The following AMN1 variants were observed in gnomAD, a reference collection of about 807,000 sequenced individuals.
AMN1 encodes the protein protein AMN1 homolog.
Under a neutral mutation model 33.0 loss-of-function variants are expected in AMN1, and 20 were observed. The observed-to-expected ratio is 0.61, with a 90% CI of 0.43 to 0.88. The LOEUF (loss-of-function observed/expected upper bound fraction) is 0.88. Among genes scored for constraint, AMN1 ranks in the 40% least tolerant of loss-of-function variants. The probability of loss-of-function intolerance (pLI) is 0.00; values close to 1 mark genes in which losing one functional copy is unlikely to be tolerated. For synonymous variants in AMN1, 114 were observed against 111.9 expected (o/e 1.02, Z -0.12); for missense variants, 246 against 307.4 (o/e 0.80, Z 1.49).
intron 3 of AMN1, among the ~76,000 whole-genome samples, chr12:31,698,959 C>T (rs1938858439): frequency 6.6e-6 from 1 of 151,898 alleles, no homozygotes; most frequent in South Asian, 2.1e-4. Flanking sequence ...GCATGTGACC[C>T]CTAGATAGCC....
intron 6 of AMN1, chr12:31,673,073 T>A (rs573443143): frequency 5.9e-5 from 9 of 152,364 alleles, no homozygotes; most frequent in African/African-American, 2.2e-4. Context: ...AGTTTTAGGA[T>A]GTCTTTTAAA....
At chr12:31,673,317 A>G (rs528370725) in intron 6 of AMN1, among the ~76,000 whole-genome samples, 1 of 152,284 alleles carries the variant, frequency 6.6e-6, no homozygotes, top group East Asian at 1.9e-4. Context: ...TAAGTTTAAC[A>G]AAATTAAGCA....
intron 1 of AMN1, among the ~76,000 whole-genome samples, chr12:31,722,175 A>ACACACACACACACC (rs1939903009): frequency 1.4e-5 from 2 of 142,062 alleles, no homozygotes; most frequent in African/African-American, 5.2e-5. Context: ...ACACACACAC[A>ACACACACACACACC]CCTGGGGCTA....
At chr12:31,704,847 GATTGCC>G (rs937583394) in intron 2 of AMN1, among the ~76,000 whole-genome samples, 1 of 152,118 alleles carries the variant, frequency 6.6e-6, no homozygotes, top group Non-Finnish European at 1.5e-5. Flanking sequence ...AAATGGTAAG[GATTGCC>G]ATCAAACAAA....
At position 31,672,377 on chromosome 12, in the gene AMN1, T is replaced by G; in HGVS notation, c.704A>C (p.Asp235Ala). The change falls in exon 7 of 7, where the codon GAT becomes GCT. Residue 235 changes from aspartate to alanine, a missense_variant and splice_region_variant. Transcript: ENST00000281471. ...TTGCTCCAACACTTCTCGGGAATGA[T>G]CTATAAAAGAAAACAATGACAATAT... ...LLFHGCPLIT[D>A]HSREVLEQLV... The G allele has an allele frequency of 1.9e-6, 3 of 1,563,470 alleles. No individual in the cohort carries two copies. The highest frequency in any genetic ancestry group is 1.7e-6 in the Non-Finnish European group (2 of 1,150,758).
chr12:31,724,698 C>G (rs78483063), intron 1 of AMN1, among the ~76,000 whole-genome samples: 6,202 of 152,230 alleles, frequency 0.041, 278 homozygotes, highest in East Asian at 0.21. Flanking sequence ...CCACCGCCAC[C>G]TTTTTCTCTC....
At chr12:31,675,580 T>C (rs984789644) in intron 6 of AMN1, among the ~76,000 whole-genome samples, 1 of 151,094 alleles carries the variant, frequency 6.6e-6, no homozygotes. Context: ...ACTGCAACCC[T>C]GGCTTCCAGG....
chr12:31,710,946 G>C (rs1939443130), intron 1 of AMN1, among the ~76,000 whole-genome samples: 1 of 152,104 alleles, frequency 6.6e-6, no homozygotes, highest in Non-Finnish European at 1.5e-5. Context: ...GTCTCACTCT[G>C]TCACCCAGGC....
At chr12:31,675,602 C>T (rs1951370953) in intron 6 of AMN1, among the ~76,000 whole-genome samples, 4 of 150,982 alleles carry the variant, frequency 2.6e-5, no homozygotes, top group Admixed American at 2.6e-4. Context: ...TCAAGTGATT[C>T]TCCTGCCTCA....
At chr12:31,708,365 G>C (rs2139706827) in intron 2 of AMN1, among the ~76,000 whole-genome samples, 1 of 152,258 alleles carries the variant, frequency 6.6e-6, no homozygotes, top group South Asian at 2.1e-4. Context: ...GATACACCCT[G>C]GTCTCCTGCA....
Position 31,697,529 on chromosome 12 carries a change from A to T in AMN1, c.535-112T>A. On this transcript the variant is annotated intron_variant, in intron 4 of 6. Transcript: ENST00000281471. ...TCTTAATGCCTCCCATTCATCAAAC[A>T]TGTGTTTTAGCCATATATACCTTTC... 3 of 1,171,628 alleles carry T rather than the reference A, an allele frequency of 2.6e-6. No homozygotes were observed. In the South Asian group the frequency reaches 3.9e-5, roughly 15 times the overall value. 72.6% of individuals were successfully genotyped at this position (1,171,628 alleles called of 1,614,324 possible).
chr12:31,701,146 T>C (rs1938980575), intron 3 of AMN1, among the ~76,000 whole-genome samples: 2 of 151,864 alleles, frequency 1.3e-5, no homozygotes, highest in South Asian at 2.1e-4. Flanking sequence ...ATTACAGGCA[T>C]GCACCACCAC....
At chr12:31,707,905 C>G (rs1280410945) in intron 2 of AMN1, among the ~76,000 whole-genome samples, 1 of 152,164 alleles carries the variant, frequency 6.6e-6, no homozygotes, top group Non-Finnish European at 1.5e-5. Flanking sequence ...TTATCACTTC[C>G]CAAATAATGC....
chr12:31,695,418 G>A (rs746620480), intron 5 of AMN1, among the ~76,000 whole-genome samples: 4 of 151,014 alleles, frequency 2.6e-5, no homozygotes, highest in Non-Finnish European at 5.9e-5. Flanking sequence ...TACTGTTCCT[G>A]CATTTAGGAT....
intron 6 of AMN1, among the ~76,000 whole-genome samples, chr12:31,676,475 G>GC (rs1158642960): frequency 1.1e-4 from 16 of 150,808 alleles, no homozygotes; most frequent in Non-Finnish European, 1.9e-4. Flanking sequence ...CCAGAATTTG[G>GC]CCCCCCCAGC....
chr12:31,686,635 C>G (rs755449141), intron 6 of AMN1, among the ~76,000 whole-genome samples: 2 of 152,126 alleles, frequency 1.3e-5, no homozygotes, highest in Non-Finnish European at 2.9e-5. Context: ...AATTAGCCTA[C>G]AGATGGGCAA....
chr12:31,727,577 CTACGA>C (rs1376123936), intron 1 of AMN1, among the ~76,000 whole-genome samples: 1 of 152,174 alleles, frequency 6.6e-6, no homozygotes, highest in African/African-American at 2.4e-5. Flanking sequence ...ATTTCACTCT[CTACGA>C]TACATTTCCT....
chr12:31,728,875 G>A (rs1940189854), intron 1 of AMN1, 96 bp downstream of exon 1: 2 of 1,374,916 alleles, frequency 1.5e-6, no homozygotes, highest in Non-Finnish European at 9.9e-7. Context: ...GGCGGGGGGG[G>A]TGGGAAAGGG....
In AMN1 at chr12:31,672,141, T is replaced by C; in HGVS notation, c.*163A>G. On this transcript the variant is annotated 3_prime_UTR_variant, in exon 7 of 7. Coordinates refer to ENST00000281471, the MANE Select transcript of AMN1 (RefSeq NM_001113402.2). ...ATGTTTAAGAGTAAAGCACAAACCA[T>C]GTATATACCAAGACTTAGCTAATTC... is the stretch of plus-strand genomic sequence containing the variant. 1 of 584,006 alleles carries C rather than the reference T, an allele frequency of 1.7e-6. No homozygotes were observed. Among genetic ancestry groups the C allele is most frequent in the South Asian group, 2.3e-5 (1 of 44,414 alleles). The allele number at this position is 584,006 out of a possible 1,614,324, so 36.2% of individuals were successfully genotyped here.
Sources: allele counts gnomAD v4.1 joint callset (sites outside exome capture counted in the v4.1 genomes callset), GRCh38; gene constraint gnomAD v4.1.1; transcripts MANE v1.5; gene names NCBI Gene and HGNC (gene_info 2026-07-23, HGNC 2026-07-21).